Variants in CDK2 observed in about 807,000 individuals in gnomAD.
CDK2 encodes cyclin-dependent kinase 2.
A neutral mutation model predicts 35.0 loss-of-function variants in CDK2; 8 were observed. The ratio of observed to expected loss-of-function variants is 0.23; its 90% CI spans 0.13 to 0.41. CDK2 has a LOEUF of 0.41. Among genes scored for constraint, CDK2 ranks in the 10% least tolerant of loss-of-function variants. CDK2 has a pLI of 1.00. For missense variants in CDK2, 201 were observed against 367.1 expected (o/e 0.55, Z 3.70); for synonymous variants, 134 against 137.7 (o/e 0.97, Z 0.19).
rs778560038 is a variant in CDK2 at position 55,968,106 on chromosome 12, C to T, written c.252C>T (p.His84=). 1 of 1,613,922 alleles carries T rather than the reference C, an allele frequency of 6.2e-7. No individual in the cohort carries two copies. The highest frequency in any genetic ancestry group is 8.5e-7 in the Non-Finnish European group (1 of 1,179,862). The part of the protein sequence containing the change: ...NKLYLVFEFL[H]QDLKKFMDAS... ...TCTACCTGGTTTTTGAATTTCTGCA[C>T]CAAGATCTCAAGAAATTCATGGATG... Residue 84 remains histidine, a synonymous_variant, in exon 3 of 7, where the codon CAC becomes CAT. Transcript: ENST00000266970.
intron 1 of CDK2, 29 bp from the exon 2 acceptor site, chr12:55,967,828 C>A: frequency 1.3e-6 from 2 of 1,575,426 alleles, no homozygotes; most frequent in Non-Finnish European, 1.7e-6. Context: ...TAACCATATT[C>A]CCATCTCTGC....
intron 4 of CDK2, among the ~76,000 whole-genome samples, 154 bp downstream of exon 4, chr12:55,969,102 T>C (rs1206287683): frequency 6.6e-6 from 1 of 152,180 alleles, no homozygotes; most frequent in African/African-American, 2.4e-5. Context: ...ATGGAATTCA[T>C]ACTGTGTTGC....
chr12:55,967,847 C>A lies in CDK2; in HGVS notation c.117-10C>A. On this transcript the variant is annotated splice_polypyrimidine_tract_variant and intron_variant, in intron 1 of 6. Coordinates refer to ENST00000266970, the MANE Select transcript of CDK2 (RefSeq NM_001798.5). ...CATATTCCCATCTCTGCTTTCCCAA[C>A]CTCTCCAAGTGAGACTGAGGGTGTG... 3 of 1,611,830 alleles carry A rather than the reference C, an allele frequency of 1.9e-6. No individual in the cohort carries two copies. Among genetic ancestry groups the A allele is most frequent in the Non-Finnish European group, 2.5e-6 (3 of 1,177,900 alleles).
Position 55,967,945 on chromosome 12 carries a change from G to A in CDK2, c.194+11G>A, listed in dbSNP as rs376663678. ...TCCTAATATTGTCAAGTAAGTATGC[G>A]TCTGAGAGGTGATCCAGCTGGAAAG... On this transcript the variant is annotated intron_variant, in intron 2 of 6. Coordinates refer to ENST00000266970, the MANE Select transcript of CDK2 (RefSeq NM_001798.5). The A allele has an allele frequency of 1.1e-5, 18 of 1,613,632 alleles. No homozygotes were observed. The highest frequency in any genetic ancestry group is 5.3e-5 in the African/African-American group (4 of 74,890).
intron 5 of CDK2, among the ~76,000 whole-genome samples, chr12:55,970,288 CAAAA>C (rs60371110): frequency 9.1e-5 from 2 of 21,876 alleles, no homozygotes; most frequent in African/African-American, 1.6e-4. Context: ...GATTCCATCT[CAAAA>C]AAAAAAAAAA....
At chr12:55,968,237 G>T in intron 3 of CDK2, 68 bp downstream of exon 3, 1 of 1,585,268 alleles carries the variant, frequency 6.3e-7, no homozygotes, top group Non-Finnish European at 8.6e-7. Flanking sequence ...GCAATTCAGG[G>T]TGATATTTTA....
intron 1 of CDK2, 199 bp downstream of exon 1, chr12:55,967,323 A>G (rs1032515463): frequency 1.4e-5 from 8 of 559,516 alleles, no homozygotes; most frequent in African/African-American, 1.1e-4. Context: ...GTGGTGTGGA[A>G]TCCATGGAAA....
In CDK2 at chr12:55,968,760, C is replaced by T. The variant is rs1029725166; in HGVS notation, c.316-18C>T. The stretch of plus-strand genomic sequence containing the variant: ...CACTGTAATGGAGAAACACAGTCCT[C>T]TCTTTCTCCTTTGTCAGAGCTATCT... On this transcript the variant is annotated intron_variant, in intron 3 of 6. Transcript: ENST00000266970. 6.4e-7 allele frequency: 1 copy of T among 1,572,780 alleles called. No individual in the cohort carries two copies. Among genetic ancestry groups the T allele is most frequent in the African/African-American group, 1.4e-5 (1 of 72,718 alleles).
intron 5 of CDK2, among the ~76,000 whole-genome samples, chr12:55,970,174 C>CA (rs1242779146): frequency 6.6e-6 from 1 of 150,696 alleles, no homozygotes; most frequent in Non-Finnish European, 1.5e-5. Flanking sequence ...CCTGTAATCC[C>CA]AGCTACTTGG....
At chr12:55,967,741 C>T in intron 1 of CDK2, 116 bp from the exon 2 acceptor site, 3 of 823,682 alleles carry the variant, frequency 3.6e-6, no homozygotes, top group Non-Finnish European at 6.1e-6. Flanking sequence ...TTTCTCTTCT[C>T]TCACTTTCCT....
At chr12:55,971,006 A>G in intron 5 of CDK2, 38 bp from the exon 6 acceptor site, 1 of 1,576,860 alleles carries the variant, frequency 6.3e-7, no homozygotes, top group Non-Finnish European at 8.7e-7. Flanking sequence ...GACTGACGTC[A>G]ACGTGGGTCT....
intron 3 of CDK2, 188 bp downstream of exon 3, chr12:55,968,357 A>C: frequency 1.6e-6 from 1 of 614,228 alleles, no homozygotes; most frequent in Non-Finnish European, 2.7e-6. Flanking sequence ...TGGACTGAAC[A>C]ATCAAAGTTG....
In CDK2 at chr12:55,966,986, C is replaced by A; in HGVS notation, c.-23C>A. ...CCCAGGCCCCCGCTCCAGGGCCGGGCTGACCCGACTCGCTGGCGCTTCATG... is the reference window on the plus strand; with the variant it reads ...CCCAGGCCCCCGCTCCAGGGCCGGGATGACCCGACTCGCTGGCGCTTCATG... On this transcript the variant is annotated 5_prime_UTR_variant, in exon 1 of 7. It adds an upstream start codon to the 5' untranslated region. Transcript: ENST00000266970. 1 of 1,581,684 alleles carries A rather than the reference C, an allele frequency of 6.3e-7. No homozygotes were observed. The highest frequency in any genetic ancestry group is 8.6e-7 in the Non-Finnish European group (1 of 1,156,978).
intron 5 of CDK2, among the ~76,000 whole-genome samples, chr12:55,970,288 CAAAAA>C (rs60371110): frequency 9.2e-5 from 2 of 21,842 alleles, no homozygotes; most frequent in Non-Finnish European, 1.5e-4. Flanking sequence ...GATTCCATCT[CAAAAA>C]AAAAAAAAAA....
intron 1 of CDK2, 56 bp downstream of exon 1, chr12:55,967,180 C>CT: frequency 7.5e-7 from 1 of 1,327,700 alleles, no homozygotes. Flanking sequence ...ATTGTCCCCC[C>CT]CAACCCCCCA....
At position 55,972,374 on chromosome 12, in the gene CDK2, T is replaced by G. The variant is rs982610992; in HGVS notation, c.*749T>G. The G allele has an allele frequency of 2.0e-5, 3 of 152,190 alleles. No individual in the cohort carries two copies. The highest frequency in any genetic ancestry group is 7.2e-5 in the African/African-American group (3 of 41,426). The allele number at this position is 152,190 out of a possible 1,614,324, so 9.4% of individuals were successfully genotyped here. ...TTTCTCTTCCTTTTAGTATTCTTAG[T>G]TGTTCAGTTGCCAAGGATCCCTGAT... On this transcript the variant is annotated 3_prime_UTR_variant, in exon 7 of 7. Coordinates refer to ENST00000266970, the MANE Select transcript of CDK2 (RefSeq NM_001798.5).
Position 55,971,221 on chromosome 12 carries a change from G to A in CDK2, c.766G>A (p.Asp256Asn), listed in dbSNP as rs1889465544. The change falls in exon 6 of 7, where the codon GAT becomes AAT. Residue 256 changes from aspartate to asparagine, a missense_variant. Physicochemically the swap from Asp to Asn is conservative, Grantham distance 23. This residue lies in a region of CDK2 where 106 missense variants were observed against 141.3 expected (regional missense o/e 0.75). Transcript: ENST00000266970. Reference sequence around the variant, plus strand: ...TTTTAGTAAAGTTGTACCTCCCCTGGATGAAGATGGACGGAGCTTGTTATC... The same window carrying A: ...TTTTAGTAAAGTTGTACCTCCCCTGAATGAAGATGGACGGAGCTTGTTATC... ...QDFSKVVPPL[D>N]EDGRSLLSQM... The A allele has an allele frequency of 6.2e-7, 1 of 1,614,104 alleles. No homozygotes were observed. The highest frequency in any genetic ancestry group is 2.2e-5 in the East Asian group (1 of 44,866).
At position 55,969,036 on chromosome 12, in the gene CDK2, A is replaced by C. The variant is rs952670916; in HGVS notation, c.486+88A>C. On this transcript the variant is annotated intron_variant, in intron 4 of 6. Transcript: ENST00000266970. ...AAGTTACTAAAAATATCTGGCTAAC[A>C]GTTTCTTACTAGGTAGAAATAATCT... 19 of 982,138 alleles carry C rather than the reference A, an allele frequency of 1.9e-5. No homozygotes were observed. In the Admixed American group the frequency reaches 4.3e-4, roughly 22 times the overall value. The allele number at this position is 982,138 out of a possible 1,614,324, so 60.8% of individuals were successfully genotyped here. A position where few individuals can be genotyped will look rare whatever the true frequency, so the allele number is the denominator to read the frequency against.
At position 55,971,631 on chromosome 12, in the gene CDK2, T is replaced by A. The variant is rs370764349; in HGVS notation, c.*6T>A. 9 of 1,597,158 alleles carry A rather than the reference T, an allele frequency of 5.6e-6. No homozygotes were observed. The highest frequency in any genetic ancestry group is 1.7e-4 in the Middle Eastern group (1 of 6,058). On this transcript the variant is annotated 3_prime_UTR_variant, in exon 7 of 7. Coordinates refer to ENST00000266970, the MANE Select transcript of CDK2 (RefSeq NM_001798.5). ...TACCCCATCTTCGACTCTGATAGCC[T>A]TCTTGAAGCCCCCAGCCCTAATCTC...
Sources: allele counts gnomAD v4.1 joint callset (sites outside exome capture counted in the v4.1 genomes callset), GRCh38; gene constraint gnomAD v4.1.1; regional missense constraint gnomAD v4.1.1; transcripts MANE v1.5; gene names NCBI Gene and HGNC (gene_info 2026-07-23, HGNC 2026-07-21).